Variants in TSGA13 observed in about 807,000 individuals in gnomAD.
TSGA13 encodes the protein testis specific 13, also known as testis-specific gene 13 protein.
A neutral mutation model predicts 35.1 loss-of-function variants in TSGA13; 37 were observed. The ratio of observed to expected loss-of-function variants is 1.05; its 90% confidence interval spans 0.81 to 1.39. The LOEUF (loss-of-function observed/expected upper bound fraction) is 1.39. TSGA13 is among the 40% of genes most tolerant of loss of function. TSGA13 has a pLI of 0.00. For synonymous variants in TSGA13, 124 were observed against 121.2 expected (o/e 1.02, Z -0.15); for missense variants, 338 against 328.5 (o/e 1.03, Z -0.22).
chr7:130,672,616 G>A (rs551684131), intron 6 of TSGA13, 118 bp downstream of exon 6: 397 of 1,363,822 alleles, frequency 2.9e-4, no homozygotes, highest in South Asian at 3.8e-4. Context: ...GGAAAGTCGT[G>A]TCTTACTATC....
chr7:130,672,086 C>T (rs1451222556), intron 6 of TSGA13, among the ~76,000 whole-genome samples: 1 of 151,966 alleles, frequency 6.6e-6, no homozygotes, highest in Non-Finnish European at 1.5e-5. Context: ...AGACGGTTTT[C>T]ACCATGTTGG....
intron 6 of TSGA13, 66 bp downstream of exon 6, chr7:130,672,668 G>T: frequency 6.4e-7 from 1 of 1,571,310 alleles, no homozygotes; most frequent in East Asian, 2.3e-5. Flanking sequence ...GTATGGCAAA[G>T]AACCAGAAAC....
rs1554465571 is a variant in TSGA13 at position 130,685,179 on chromosome 7, A to G, written c.23+9T>C. The G allele has an allele frequency of 1.2e-6, 2 of 1,612,938 alleles. No individual in the cohort carries two copies. The highest frequency in any genetic ancestry group is 1.3e-5 in the African/African-American group (1 of 75,028). On this transcript the variant is annotated intron_variant, in intron 2 of 7. Coordinates refer to ENST00000356588, the MANE Select transcript of TSGA13 (RefSeq NM_052933.4). ...TTTATAACTTAGTTGGGCAAACAAG[A>G]CTACATACTTGGTTTGTCTCTTTTG... is the stretch of plus-strand genomic sequence containing the variant.
intron 5 of TSGA13, among the ~76,000 whole-genome samples, chr7:130,675,314 C>T (rs1369142651): frequency 3.3e-5 from 5 of 150,106 alleles, no homozygotes; most frequent in African/African-American, 9.8e-5. Context: ...CCTATAACTT[C>T]AGCCTTCCCA....
rs986851595 is a variant in TSGA13 at position 130,679,196 on chromosome 7, C to T, written c.346G>A (p.Ala116Thr). ...AACTCCTTGGAAAAATATTTTGATG[C>T]ACTCTCCTTGTCTTGCTGGGTGATT... ...CSITQQDKES[A>T]SKYFSKELLL... Residue 116 changes from alanine (A) to threonine (T), a missense_variant, in exon 5 of 8, where the codon GCA (alanine) becomes ACA (threonine). Ala to Thr is a moderately conservative substitution (Grantham distance 58, BLOSUM62 0). Transcript: ENST00000356588. 5 of 1,614,176 alleles carry T rather than the reference C, an allele frequency of 3.1e-6. No individual in the cohort carries two copies. The highest frequency in any genetic ancestry group is 4.2e-6 in the Non-Finnish European group (5 of 1,180,026).
At chr7:130,677,051 C>G (rs534341916) in intron 5 of TSGA13, among the ~76,000 whole-genome samples, 1 of 152,030 alleles carries the variant, frequency 6.6e-6, no homozygotes, top group South Asian at 2.1e-4. Flanking sequence ...CGCTACCACG[C>G]CCGGCTAATT....
At chr7:130,686,817 C>T (rs1554465827), upstream of TSGA13, 1 of 151,632 alleles carries the variant, frequency 6.6e-6, no homozygotes, top group Non-Finnish European at 1.5e-5. Flanking sequence ...AGCATTTTTT[C>T]TTATTCCCCA....
intron 6 of TSGA13, among the ~76,000 whole-genome samples, chr7:130,671,993 C>T (rs896429271): frequency 5.3e-5 from 8 of 152,048 alleles, no homozygotes; most frequent in Non-Finnish European, 1.0e-4. Context: ...CAGGTTCAAG[C>T]GATTCTCCTG....
At chr7:130,681,661 AT>A (rs1428810693) in intron 3 of TSGA13, among the ~76,000 whole-genome samples, 19 of 151,556 alleles carry the variant, frequency 1.3e-4, no homozygotes, top group Non-Finnish European at 2.1e-4. Context: ...TTTTATTTTT[AT>A]TTTTTTTGCT....
At chr7:130,675,091 A>G (rs1796379098) in intron 5 of TSGA13, among the ~76,000 whole-genome samples, 1 of 152,106 alleles carries the variant, frequency 6.6e-6, no homozygotes, top group Non-Finnish European at 1.5e-5. Flanking sequence ...TTTGGAATCC[A>G]AGACAGCACT....
intron 7 of TSGA13, among the ~76,000 whole-genome samples, chr7:130,670,534 T>C (rs938862576): frequency 1.1e-4 from 16 of 152,220 alleles, no homozygotes; most frequent in African/African-American, 2.9e-4. Flanking sequence ...AAATTCTTCA[T>C]TGGGTCCAAA....
intron 5 of TSGA13, among the ~76,000 whole-genome samples, chr7:130,675,362 C>T (rs1427321449): frequency 3.3e-5 from 4 of 122,014 alleles, no homozygotes; most frequent in Non-Finnish European, 6.3e-5. Context: ...CTTTCTTCCT[C>T]ATGGTTTGAG....
rs574461453 is a variant in TSGA13 at position 130,669,494 on chromosome 7, ACT to A, written c.659-313_659-312del. 5.5e-4 allele frequency among the ~76,000 whole-genome samples: 84 copies of A among 152,126 alleles called. 4 individuals carry two copies. The South Asian group carries it at 0.017, about 32-fold the overall frequency. On this transcript the variant is annotated intron_variant, in intron 7 of 7. Transcript: ENST00000356588. Reference sequence around the variant, plus strand: ...CTAAATTAACGTGCATTCATTCCTAACTCATGTTCCTCTTTTTCTCAGAGTGT... The same window carrying A: ...CTAAATTAACGTGCATTCATTCCTAACATGTTCCTCTTTTTCTCAGAGTGT...
At chr7:130,675,514 G>C (rs1563079207) in intron 5 of TSGA13, among the ~76,000 whole-genome samples, 1 of 152,266 alleles carries the variant, frequency 6.6e-6, no homozygotes, top group East Asian at 1.9e-4. Flanking sequence ...CTCCGGAGTA[G>C]CTAGGACTAC....
At chr7:130,675,220 T>A (rs1554463969) in intron 5 of TSGA13, among the ~76,000 whole-genome samples, 1 of 151,532 alleles carries the variant, frequency 6.6e-6, no homozygotes, top group Non-Finnish European at 1.5e-5. Context: ...TCCATAAATA[T>A]GTGTGTATAT....
chr7:130,682,166 C>A (rs948651400), intron 3 of TSGA13, among the ~76,000 whole-genome samples: 1 of 151,942 alleles, frequency 6.6e-6, no homozygotes, highest in Non-Finnish European at 1.5e-5. Context: ...GTTGCCCAGG[C>A]TGGAGTGCAA....
At chr7:130,674,612 T>A (rs1796367768) in intron 5 of TSGA13, among the ~76,000 whole-genome samples, 1 of 152,232 alleles carries the variant, frequency 6.6e-6, no homozygotes, top group Non-Finnish European at 1.5e-5. Context: ...GAATTAAGCT[T>A]CATTAGAGCA....
chr7:130,672,900 A>G, intron 5 of TSGA13, 24 bp from the exon 6 acceptor site: 1 of 1,608,318 alleles, frequency 6.2e-7, no homozygotes, highest in East Asian at 2.2e-5. Flanking sequence ...AGGGAAGAAG[A>G]GTGAGGGAGT....
At chr7:130,670,534 T>A (rs938862576) in intron 7 of TSGA13, among the ~76,000 whole-genome samples, 2 of 152,220 alleles carry the variant, frequency 1.3e-5, no homozygotes, top group African/African-American at 2.4e-5. Flanking sequence ...AAATTCTTCA[T>A]TGGGTCCAAA....
Sources: gnomAD v4.1 joint callset for allele counts (sites outside exome capture counted in the v4.1 genomes callset) on GRCh38, gnomAD v4.1.1 for gene constraint, MANE v1.5 for transcripts, NCBI Gene and HGNC (gene_info 2026-07-23, HGNC 2026-07-21) for gene names.